The following PACS1 variants were observed in gnomAD, a reference collection of about 807,000 sequenced individuals.
PACS1 encodes the protein PACS-1.
PACS1 carries 24 observed loss-of-function variants against 115.0 expected under a neutral mutation model. That is an observed-to-expected ratio of 0.21 (90% CI 0.15 to 0.29). The LOEUF (loss-of-function observed/expected upper bound fraction) is 0.29, where lower values mean the gene tolerates loss of function less well. Ranked by LOEUF, PACS1 falls within the 10% of genes least tolerant of loss-of-function variation. The pLI is 1.00. For missense variants in PACS1, 838 were observed against 1,251.2 expected (o/e 0.67, Z 4.98); for synonymous variants, 453 against 504.5 (o/e 0.90, Z 1.37).
At chr11:66,190,803 T>C (rs1047785080) in intron 1 of PACS1, among the ~76,000 whole-genome samples, 1 of 152,082 alleles carries the variant, frequency 6.6e-6, no homozygotes, top group African/African-American at 2.4e-5. Flanking sequence ...GGGCAGTCAT[T>C]GAAGGGGGGA....
chr11:66,146,000 C>A (rs1379535320), intron 1 of PACS1, among the ~76,000 whole-genome samples: 2 of 152,116 alleles, frequency 1.3e-5, no homozygotes, highest in Non-Finnish European at 2.9e-5. Context: ...AAATAACACA[C>A]GTGAAAAATT....
chr11:66,240,375 G>A (rs577557377), intron 21 of PACS1, among the ~76,000 whole-genome samples: 6 of 152,190 alleles, frequency 3.9e-5, no homozygotes, highest in Non-Finnish European at 8.8e-5. Flanking sequence ...GGTCAGCGCT[G>A]GGAAGGAGCA....
Position 66,235,369 on chromosome 11 carries a change from G to A in PACS1, c.2173G>A (p.Val725Met), listed in dbSNP as rs750746241. Residue 725 changes from valine (V) to methionine (M), a missense_variant, in exon 18 of 24, where the codon GTG becomes ATG. Physicochemically the swap from Val to Met is conservative, Grantham distance 21 (BLOSUM62 1). Transcript: ENST00000320580. This position sits in a 1 kb window ranked among gnomAD's most constrained non-coding sequence, Gnocchi z 5.6. ...NGAATTHQLP[V>M]AEAMLTCRHK... ...GGCAGCCACGACACACCAGCTTCCC[G>A]TGGCCGAAGCCATGCTGACTTGCCG... 3.7e-6 allele frequency: 6 copies of A among 1,614,016 alleles called. No individual in the cohort carries two copies. Among genetic ancestry groups the A allele is most frequent in the Non-Finnish European group, 5.1e-6 (6 of 1,179,908 alleles).
chr11:66,236,023 C>A lies in PACS1; in HGVS notation c.2250+83C>A. The stretch of plus-strand genomic sequence containing the variant: ...CCCTTACACAGGAAAACAAAAGATT[C>A]ATCTAGAACAGTGGTTCTCCAGACA... On this transcript the variant is annotated intron_variant, in intron 19 of 23. Coordinates refer to ENST00000320580, the MANE Select transcript of PACS1 (RefSeq NM_018026.4). The surrounding 1 kb of genome is among the most constrained non-coding windows in gnomAD (Gnocchi z 4.2). 1 of 1,268,180 alleles carries A rather than the reference C, an allele frequency of 7.9e-7. No individual in the cohort carries two copies. The highest frequency in any genetic ancestry group is 1.2e-6 in the Non-Finnish European group (1 of 864,280). The allele number at this position is 1,268,180 out of a possible 1,614,324, so 78.6% of individuals were successfully genotyped here.
In PACS1 at chr11:66,070,318, C is replaced by T; in HGVS notation, c.-169C>T. ...CGCAACAGGCAGCGGCGGTCGAGCG[C>T]GAGGCCCGCGCGCCCAGAGGCCCCG... On this transcript the variant is annotated 5_prime_UTR_variant, in exon 1 of 24. Coordinates refer to ENST00000320580, the MANE Select transcript of PACS1 (RefSeq NM_018026.4). This position sits in a 1 kb window ranked among gnomAD's most constrained non-coding sequence, Gnocchi z 5.9. The T allele has an allele frequency of 4.6e-6, 1 of 215,332 alleles. No individual in the cohort carries two copies. Among genetic ancestry groups the T allele is most frequent in the Non-Finnish European group, 8.6e-6 (1 of 115,868 alleles). 13.3% of individuals were successfully genotyped at this position (215,332 alleles called of 1,614,324 possible).
intron 13 of PACS1, 69 bp downstream of exon 13, chr11:66,231,009 G>T (rs1201166903): frequency 1.3e-6 from 2 of 1,579,706 alleles, no homozygotes; most frequent in Non-Finnish European, 1.7e-6. Flanking sequence ...CTGTTTTGTT[G>T]GCTTCCTTGG....
chr11:66,154,208 A>G (rs2134613620), intron 1 of PACS1, among the ~76,000 whole-genome samples: 1 of 152,280 alleles, frequency 6.6e-6, no homozygotes, highest in Middle Eastern at 3.4e-3. Flanking sequence ...AGTCCAAGGC[A>G]AGAGTATTGC....
At chr11:66,127,299 T>C (rs1395428383) in intron 1 of PACS1, among the ~76,000 whole-genome samples, 13 of 152,198 alleles carry the variant, frequency 8.5e-5, no homozygotes, top group Admixed American at 8.5e-4. Flanking sequence ...AATTTTGAGT[T>C]CTTAGTGCAA....
intron 1 of PACS1, among the ~76,000 whole-genome samples, chr11:66,170,774 GAA>G (rs35955463): frequency 2.3e-4 from 26 of 113,626 alleles, no homozygotes; most frequent in Non-Finnish European, 3.1e-4. Flanking sequence ...CTCATCTCTG[GAA>G]AAAAAAAAAA....
intron 1 of PACS1, among the ~76,000 whole-genome samples, chr11:66,071,424 C>T (rs752027598): frequency 3.3e-5 from 5 of 152,232 alleles, no homozygotes; most frequent in Admixed American, 6.5e-5. Flanking sequence ...TTTTACCTCC[C>T]CTCCCCCACT....
intron 1 of PACS1, among the ~76,000 whole-genome samples, chr11:66,177,008 G>A (rs1859881637): frequency 6.6e-6 from 1 of 152,138 alleles, no homozygotes; most frequent in Non-Finnish European, 1.5e-5. Flanking sequence ...GATCGTTCTT[G>A]ATTTACTTAG....
At chr11:66,187,295 C>G (rs1854405076) in intron 1 of PACS1, among the ~76,000 whole-genome samples, 1 of 152,182 alleles carries the variant, frequency 6.6e-6, no homozygotes, top group Admixed American at 6.5e-5. Context: ...CCCATCATCT[C>G]AAACGCTGAT....
intron 1 of PACS1, among the ~76,000 whole-genome samples, chr11:66,083,161 G>T (rs1259342804): frequency 6.6e-6 from 1 of 152,094 alleles, no homozygotes; most frequent in Non-Finnish European, 1.5e-5. Flanking sequence ...CACTGCTTTT[G>T]CTGTGGATGA....
At chr11:66,219,869 T>C in intron 8 of PACS1, 64 bp downstream of exon 8, 1 of 1,124,440 alleles carries the variant, frequency 8.9e-7, no homozygotes, top group South Asian at 1.2e-5. Context: ...CCAGCATCCC[T>C]GGAGTACACT....
chr11:66,218,447 C>A (rs1855264104), intron 7 of PACS1: 1 of 152,184 alleles, frequency 6.6e-6, no homozygotes, highest in African/African-American at 2.4e-5. Flanking sequence ...GGGACTGTGG[C>A]CACCTGTCCC....
chr11:66,207,204 T>C (rs974428788), intron 2 of PACS1, among the ~76,000 whole-genome samples: 3 of 152,176 alleles, frequency 2.0e-5, no homozygotes, highest in Non-Finnish European at 4.4e-5. Flanking sequence ...CGGTGGCTCA[T>C]GCCTGTAATA....
In PACS1 at chr11:66,219,920, C is replaced by T. The variant is rs945940486; in HGVS notation, c.1038+115C>T. ...GAGTCAGGATTCTAGGATTAATATT[C>T]CTGCTCCCCGTGGCATACCTGGTAG... On this transcript the variant is annotated intron_variant, in intron 8 of 23. Transcript: ENST00000320580. 8 of 837,852 alleles carry T rather than the reference C, an allele frequency of 9.5e-6. No homozygotes were observed. In the Admixed American group the frequency reaches 1.1e-4, roughly 11 times the overall value. The allele number at this position is 837,852 out of a possible 1,614,324, so 51.9% of individuals were successfully genotyped here. A position where few individuals can be genotyped will look rare whatever the true frequency, so the allele number is the denominator to read the frequency against.
chr11:66,244,548 A>C lies in PACS1; in HGVS notation c.*1268A>C, dbSNP rs1395950015. On this transcript the variant is annotated 3_prime_UTR_variant, in exon 24 of 24. Coordinates refer to ENST00000320580, the MANE Select transcript of PACS1 (RefSeq NM_018026.4). The stretch of plus-strand genomic sequence containing the variant: ...TTCTCTTGTCCTCTCACTCCTTCCC[A>C]GAAGTTTTTGCACAGAACTTCATTT... 1.3e-5 allele frequency: 2 copies of C among 152,282 alleles called. No individual in the cohort carries two copies. Among genetic ancestry groups the C allele is most frequent in the African/African-American group, 4.8e-5 (2 of 41,414 alleles). 9.4% of individuals were successfully genotyped at this position (152,282 alleles called of 1,614,324 possible).
intron 1 of PACS1, among the ~76,000 whole-genome samples, chr11:66,189,942 T>C (rs753547198): frequency 6.6e-5 from 10 of 152,224 alleles, no homozygotes; most frequent in Non-Finnish European, 8.8e-5. Flanking sequence ...ACCTGGCTGC[T>C]GAAACTGCCT....
Sources: gnomAD v4.1 joint callset for allele counts (sites outside exome capture counted in the v4.1 genomes callset) on GRCh38, gnomAD v4.1.1 for gene constraint, Gnocchi (gnomAD v3.1) non-coding constraint, MANE v1.5 for transcripts, NCBI Gene and HGNC (gene_info 2026-07-23, HGNC 2026-07-21) for gene names.